Variants in TRPM8 observed in about 807,000 individuals in gnomAD.
TRPM8 encodes transient receptor potential cation channel subfamily M member 8.
In TRPM8, 110 loss-of-function variants were observed where a neutral mutation model predicts 133.7. The observed-to-expected ratio is 0.82, with a 90% CI of 0.70 to 0.96. TRPM8 has a LOEUF of 0.96. Among genes scored for constraint, TRPM8 ranks in the 40% least tolerant of loss-of-function variants. The pLI, the probability that TRPM8 is intolerant of heterozygous loss-of-function variation, is 0.00. For missense variants in TRPM8, 1,291 were observed against 1,379.5 expected (o/e 0.94, Z 1.02); for synonymous variants, 535 against 532.3 (o/e 1.01, Z -0.07).
intron 2 of TRPM8, among the ~76,000 whole-genome samples, chr2:233,927,904 T>TTCTCTCTCTCTC (rs1289894398): frequency 1.7e-5 from 1 of 60,166 alleles, no homozygotes; most frequent in Non-Finnish European, 2.6e-5. Flanking sequence ...CTTTCTTTCT[T>TTCTCTCTCTCTC]TCTTTCTCTC....
chr2:233,961,191 AT>A (rs1278153906), intron 12 of TRPM8, 125 bp downstream of exon 12: 4 of 947,684 alleles, frequency 4.2e-6, no homozygotes, highest in Non-Finnish European at 6.2e-6. Context: ...GACAATGTTA[AT>A]TTTTTTAACT....
chr2:233,937,177 T>G, intron 3 of TRPM8, 176 bp from the exon 4 acceptor site: 4 of 718,930 alleles, frequency 5.6e-6, no homozygotes, highest in Non-Finnish European at 6.7e-6. Context: ...ATTACAGGCG[T>G]GAGCCACCGC....
chr2:233,956,188 C>T (rs558631586), intron 11 of TRPM8, among the ~76,000 whole-genome samples: 6 of 152,194 alleles, frequency 3.9e-5, no homozygotes, highest in African/African-American at 1.2e-4. Flanking sequence ...CCAGCCTGGT[C>T]GATGGTAAAA....
intron 3 of TRPM8, among the ~76,000 whole-genome samples, chr2:233,936,714 G>A (rs1690752476): frequency 6.6e-6 from 1 of 152,158 alleles, no homozygotes; most frequent in Non-Finnish European, 1.5e-5. Context: ...AACTGTTTGA[G>A]AAGCTGAATA....
intron 15 of TRPM8, among the ~76,000 whole-genome samples, chr2:233,967,119 A>G (rs1691596061): frequency 6.6e-6 from 1 of 152,238 alleles, no homozygotes; most frequent in Non-Finnish European, 1.5e-5. Flanking sequence ...TTCCTCATCT[A>G]CAAAATGGGG....
intron 22 of TRPM8, among the ~76,000 whole-genome samples, chr2:233,997,377 C>G (rs1374311069): frequency 1.3e-5 from 2 of 152,196 alleles, no homozygotes; most frequent in Non-Finnish European, 2.9e-5. Context: ...CCATTCCCAG[C>G]TGATGGAGCC....
intron 19 of TRPM8, among the ~76,000 whole-genome samples, chr2:233,982,464 T>C (rs1464102197): frequency 6.6e-6 from 1 of 152,236 alleles, no homozygotes; most frequent in Non-Finnish European, 1.5e-5. Flanking sequence ...TGTTTCTGTC[T>C]TTAAATCAGA....
At chr2:234,008,444 G>A (rs943979118) in intron 24 of TRPM8, among the ~76,000 whole-genome samples, 19 of 152,214 alleles carry the variant, frequency 1.2e-4, no homozygotes, top group Non-Finnish European at 5.9e-5. Flanking sequence ...GAGCCAGTGT[G>A]CCTTGATGCT....
Position 233,926,655 on chromosome 2 carries a change from G to T in TRPM8, c.117+1G>T, listed in dbSNP as rs370995120. ...CACAGACTTGTCTTACAGTGAAAGCGTAAGTCATGCGCATCACCTGTTTGA... is the reference window on the plus strand; with the variant it reads ...CACAGACTTGTCTTACAGTGAAAGCTTAAGTCATGCGCATCACCTGTTTGA... On this transcript the variant is annotated splice_donor_variant, in intron 2 of 25. Coordinates refer to ENST00000324695, the MANE Select transcript of TRPM8 (RefSeq NM_024080.5). LOFTEE classifies it high-confidence loss of function. 6.2e-7 allele frequency: 1 copy of T among 1,609,816 alleles called. No homozygotes were observed. The highest frequency in any genetic ancestry group is 2.2e-5 in the East Asian group (1 of 44,866).
chr2:233,954,512 G>A (rs991249703), intron 10 of TRPM8, among the ~76,000 whole-genome samples: 12 of 152,146 alleles, frequency 7.9e-5, no homozygotes, highest in African/African-American at 2.7e-4. Flanking sequence ...TTAGAATTCC[G>A]TAAAGTGGAT....
At chr2:233,977,142 G>A (rs1002682004) in intron 17 of TRPM8, among the ~76,000 whole-genome samples, 1 of 152,152 alleles carries the variant, frequency 6.6e-6, no homozygotes, top group African/African-American at 2.4e-5. Context: ...ATTTTGAAAC[G>A]AGGCAGTCAA....
chr2:233,981,987 G>A, intron 19 of TRPM8, 72 bp downstream of exon 19: 2 of 1,466,890 alleles, frequency 1.4e-6, no homozygotes, highest in South Asian at 1.5e-5. Context: ...GTCGATAGGA[G>A]GATTTTGTCC....
intron 25 of TRPM8, among the ~76,000 whole-genome samples, chr2:234,015,061 T>C (rs566120274): frequency 6.6e-6 from 1 of 152,374 alleles, no homozygotes; most frequent in East Asian, 1.9e-4. Flanking sequence ...AGATGTCTTA[T>C]TCTCATGATA....
intron 11 of TRPM8, among the ~76,000 whole-genome samples, chr2:233,957,784 C>T (rs775235907): frequency 4.6e-5 from 7 of 152,182 alleles, no homozygotes; most frequent in African/African-American, 1.2e-4. Flanking sequence ...TGAAACTTGG[C>T]GACAATGGGA....
chr2:234,019,521 CAT>C (rs930276678), exon 26 of TRPM8: 7 of 152,098 alleles, frequency 4.6e-5, no homozygotes, highest in African/African-American at 1.7e-4. Flanking sequence ...GAGGAATTGT[CAT>C]GTGTTGCTTT....
chr2:233,985,900 C>T, intron 21 of TRPM8, 35 bp downstream of exon 21: 1 of 1,574,770 alleles, frequency 6.4e-7, no homozygotes, highest in Non-Finnish European at 8.6e-7. Context: ...TGATGTCCAC[C>T]CTGGGCCAAG....
chr2:233,946,996 C>T (rs767154128), intron 7 of TRPM8, 92 bp from the exon 8 acceptor site: 32 of 1,140,374 alleles, frequency 2.8e-5, no homozygotes, highest in Non-Finnish European at 4.0e-5. Context: ...ACCCTAGGCT[C>T]ACAGGGCAGA....
At position 233,942,325 on chromosome 2, in the gene TRPM8, G is replaced by A. The variant is rs1202238521; in HGVS notation, c.527-251G>A. Among the ~76,000 whole-genome samples, 5 of 152,010 alleles carry A rather than the reference G, an allele frequency of 3.3e-5. No individual in the cohort carries two copies. The South Asian group carries it at 6.2e-4, about 19-fold the overall frequency. On this transcript the variant is annotated intron_variant, in intron 5 of 25. Transcript: ENST00000324695. ...GAACTCCTGACCTCGTGATCCACTCGCCTTGGCCTCCCAAAGTGCTGGGAT... is the reference window on the plus strand; with the variant it reads ...GAACTCCTGACCTCGTGATCCACTCACCTTGGCCTCCCAAAGTGCTGGGAT...
chr2:233,927,908 T>TTCTTTCTTTCTTTCTC (rs1559516638), intron 2 of TRPM8, among the ~76,000 whole-genome samples: 4 of 38,868 alleles, frequency 1.0e-4, no homozygotes, highest in African/African-American at 2.0e-4. Context: ...CTTTCTTTCT[T>TTCTTTCTTTCTTTCTC]TCTCTCTCTC....
Sources: gnomAD v4.1 joint callset for allele counts (sites outside exome capture counted in the v4.1 genomes callset) on GRCh38, gnomAD v4.1.1 for gene constraint, MANE v1.5 for transcripts, NCBI Gene and HGNC (gene_info 2026-07-23, HGNC 2026-07-21) for gene names.